The following SLC5A4 variants were observed in gnomAD, a reference collection of about 807,000 sequenced individuals.
SLC5A4 encodes the protein probable glucose sensor protein SLC5A4.
In SLC5A4, 55 loss-of-function variants were observed where a neutral mutation model predicts 70.3. The ratio of observed to expected loss-of-function variants is 0.78; its 90% CI spans 0.63 to 0.98. The LOEUF is 0.98. Ranked by LOEUF, SLC5A4 falls within the 50% of genes least tolerant of loss-of-function variation. The pLI is 0.00. For synonymous variants in SLC5A4, 268 were observed against 305.7 expected, an observed-to-expected ratio of 0.88 and a Z score of 1.29; for missense variants, 735 against 839.2, an observed-to-expected ratio of 0.88 and a Z score of 1.53.
the SLC5A4 span, chr22:32,271,507 G>T: frequency 4.0e-5 from 29 of 721,290 alleles, no homozygotes; most frequent in African/African-American, 3.8e-4. Context: ...ATCAGCTTCC[G>T]TGAGAAGAAG....
chr22:32,327,884 G>A, the SLC5A4 span, among the ~76,000 whole-genome samples: 1 of 152,178 alleles, frequency 6.6e-6, no homozygotes, highest in African/African-American at 2.4e-5. Context: ...CTGCCGGGAT[G>A]GGGCACCTCG....
At chr22:32,322,372 G>A in the SLC5A4 span, among the ~76,000 whole-genome samples, 4 of 152,066 alleles carry the variant, frequency 2.6e-5, no homozygotes, top group Non-Finnish European at 4.4e-5. Context: ...GGTGGATCAC[G>A]AGGTCAGGAG....
chr22:32,253,031 T>C (rs1927263806), intron 2 of SLC5A4, among the ~76,000 whole-genome samples: 1 of 152,222 alleles, frequency 6.6e-6, no homozygotes, highest in African/African-American at 2.4e-5. Context: ...CCTCCTTGCA[T>C]GTTTCACTAA....
At chr22:32,251,988 G>A (rs1370846587) in intron 2 of SLC5A4, 114 bp from the exon 3 acceptor site, 3 of 692,724 alleles carry the variant, frequency 4.3e-6, no homozygotes, top group Non-Finnish European at 7.7e-6. Flanking sequence ...CCAGCACTTT[G>A]GGAGGCTGAG....
the SLC5A4 span, among the ~76,000 whole-genome samples, chr22:32,264,765 A>G: frequency 6.6e-6 from 1 of 152,188 alleles, no homozygotes; most frequent in African/African-American, 2.4e-5. Flanking sequence ...AACACAAAAT[A>G]TATTACTGAT....
At chr22:32,285,727 ATTTTTT>A in the SLC5A4 span, among the ~76,000 whole-genome samples, 2 of 123,052 alleles carry the variant, frequency 1.6e-5, no homozygotes, top group African/African-American at 6.4e-5. Context: ...ATTTTATTTT[ATTTTTT>A]ATTTTTATTT....
Position 32,254,127 on chromosome 22 carries a change from C to T in SLC5A4, c.207+15G>A, listed in dbSNP as rs1173769652. 3 of 1,608,532 alleles carry T rather than the reference C, an allele frequency of 1.9e-6. No individual in the cohort carries two copies. In the South Asian group the frequency reaches 3.3e-5, roughly 18 times the overall value. On this transcript the variant is annotated intron_variant, in intron 2 of 14. Coordinates refer to ENST00000266086, the MANE Select transcript of SLC5A4 (RefSeq NM_014227.3). ...ACACAGGAAATTTATCTCCAGAAAACTTCGATCCACTTACCGGCCACCAGG... is the reference window on the plus strand; with the variant it reads ...ACACAGGAAATTTATCTCCAGAAAATTTCGATCCACTTACCGGCCACCAGG...
the SLC5A4 span, among the ~76,000 whole-genome samples, chr22:32,332,012 G>A: frequency 6.6e-6 from 1 of 151,986 alleles, no homozygotes; most frequent in Non-Finnish European, 1.5e-5. Flanking sequence ...ATCCTCCTTG[G>A]ACCCCCACCT....
chr22:32,235,863 C>T (rs983947403), intron 7 of SLC5A4, among the ~76,000 whole-genome samples: 5 of 152,130 alleles, frequency 3.3e-5, no homozygotes, highest in Non-Finnish European at 5.9e-5. Flanking sequence ...GACTACTATG[C>T]GCCAAACACT....
chr22:32,304,427 C>T, the SLC5A4 span, among the ~76,000 whole-genome samples: 1 of 143,234 alleles, frequency 7.0e-6, no homozygotes, highest in Non-Finnish European at 1.5e-5. Context: ...CAGGCGTGAG[C>T]TACCATGCCC....
At chr22:32,253,593 G>A (rs746766417) in intron 2 of SLC5A4, among the ~76,000 whole-genome samples, 1 of 152,158 alleles carries the variant, frequency 6.6e-6, no homozygotes, top group Admixed American at 6.5e-5. Context: ...CAGAAGAAAA[G>A]AATATAAGGT....
At chr22:32,275,059 T>C in the SLC5A4 span, among the ~76,000 whole-genome samples, 43 of 152,324 alleles carry the variant, frequency 2.8e-4, no homozygotes, top group Non-Finnish European at 4.7e-4. Context: ...ATACAGTTCT[T>C]ATTTTATAGC....
chr22:32,306,935 G>T, the SLC5A4 span, among the ~76,000 whole-genome samples: 72,653 of 151,854 alleles, frequency 0.48, 17,531 homozygotes, highest in Admixed American at 0.51. Context: ...CACCAGCTTG[G>T]TTCCAGTTGT....
chr22:32,305,697 C>T, the SLC5A4 span, among the ~76,000 whole-genome samples: 90 of 130,092 alleles, frequency 6.9e-4, 7 homozygotes, highest in African/African-American at 2.5e-3. Context: ...GTGTGAGGGA[C>T]GGTGGCTTTT....
At chr22:32,302,092 T>C in the SLC5A4 span, among the ~76,000 whole-genome samples, 2 of 152,190 alleles carry the variant, frequency 1.3e-5, no homozygotes, top group African/African-American at 4.8e-5. Flanking sequence ...TTCTTAGATA[T>C]GAAACCAAAG....
At chr22:32,241,773 ATATGTG>A (rs1312143227) in intron 5 of SLC5A4, among the ~76,000 whole-genome samples, 6 of 140,900 alleles carry the variant, frequency 4.3e-5, no homozygotes, top group African/African-American at 1.2e-4. Flanking sequence ...TTACATATAT[ATATGTG>A]TGTGTGTGTG....
the SLC5A4 span, chr22:32,272,141 G>T: frequency 7.2e-6 from 5 of 690,454 alleles, no homozygotes; most frequent in South Asian, 4.8e-5. Context: ...ACCAGGTCAG[G>T]CTTCAAAGGC....
the SLC5A4 span, among the ~76,000 whole-genome samples, chr22:32,278,400 C>T: frequency 6.6e-6 from 1 of 152,132 alleles, no homozygotes; most frequent in Non-Finnish European, 1.5e-5. Flanking sequence ...AAGATGTAAG[C>T]AAGGACAAAA....
At chr22:32,305,454 C>T in the SLC5A4 span, among the ~76,000 whole-genome samples, 70 of 149,072 alleles carry the variant, frequency 4.7e-4, 2 homozygotes, top group South Asian at 7.8e-3. Flanking sequence ...CATCGGATGA[C>T]GAGACCTCTC....
Sources: allele counts gnomAD v4.1 joint callset (sites outside exome capture counted in the v4.1 genomes callset), GRCh38; gene constraint gnomAD v4.1.1; transcripts MANE v1.5; gene names NCBI Gene and HGNC (gene_info 2026-07-23, HGNC 2026-07-21).